The following FAM219A variants were observed in gnomAD, a reference collection of about 807,000 sequenced individuals.
FAM219A encodes family with sequence similarity 219 member A.
A neutral mutation model predicts 23.4 loss-of-function variants in FAM219A; 7 were observed. The ratio of observed to expected loss-of-function variants is 0.30; its 90% CI spans 0.17 to 0.56. The LOEUF (loss-of-function observed/expected upper bound fraction) is 0.56. Among genes scored for constraint, FAM219A ranks in the 20% least tolerant of loss-of-function variants. The probability of loss-of-function intolerance (pLI) is 0.92; values close to 1 mark genes in which losing one functional copy is unlikely to be tolerated. For missense variants in FAM219A, 166 were observed against 246.9 expected (o/e 0.67, Z 2.20); for synonymous variants, 93 against 99.0 (o/e 0.94, Z 0.36).
intron 1 of FAM219A, among the ~76,000 whole-genome samples, chr9:34,410,371 A>G (rs756435463): frequency 6.6e-5 from 10 of 152,196 alleles, no homozygotes; most frequent in Non-Finnish European, 1.5e-4. Flanking sequence ...AAACAAATGA[A>G]AAAAACCAAA....
At chr9:34,450,037 C>T (rs755936242) in intron 1 of FAM219A, among the ~76,000 whole-genome samples, 7 of 152,254 alleles carry the variant, frequency 4.6e-5, no homozygotes, top group Middle Eastern at 3.4e-3. Context: ...CTAGGTCGGG[C>T]GTGGTGGCTT....
chr9:34,427,467 GC>G (rs1822531005), intron 1 of FAM219A, among the ~76,000 whole-genome samples: 3 of 152,248 alleles, frequency 2.0e-5, no homozygotes, highest in Admixed American at 1.3e-4. Flanking sequence ...TAGTCTCACA[GC>G]CCCTGCTCCC....
chr9:34,444,579 C>T lies in FAM219A; in HGVS notation c.60+13625G>A, dbSNP rs114953683. ...ATGGGAGAGGGGCTGGATTGGCCTT[C>T]TTACATTATTCTACGTCCCTTACTT... On this transcript the variant is annotated intron_variant, in intron 1 of 5. Transcript: ENST00000651358. Among the ~76,000 whole-genome samples, 503 of 152,296 alleles carry T rather than the reference C, an allele frequency of 3.3e-3. 2 individuals carry two copies. The highest frequency in any genetic ancestry group is 0.011 in the African/African-American group (473 of 41,550).
chr9:34,458,369 T>C lies in FAM219A; in HGVS notation c.-106A>G. On this transcript the variant is annotated 5_prime_UTR_variant, in exon 1 of 6. Coordinates refer to ENST00000651358, the MANE Select transcript of FAM219A (RefSeq NM_001184940.2). The surrounding 1 kb of genome is among the most constrained non-coding windows in gnomAD (Gnocchi z 6.6). The stretch of plus-strand genomic sequence containing the variant: ...CCCGGCGGGTGGTGCAGACTAGGCC[T>C]CCCCGGACCACTCGGGCGGGCAGGG... 1 of 721,026 alleles carries C rather than the reference T, an allele frequency of 1.4e-6. No individual in the cohort carries two copies. The highest frequency in any genetic ancestry group is 1.9e-6 in the Non-Finnish European group (1 of 539,566). 44.7% of individuals were successfully genotyped at this position (721,026 alleles called of 1,614,324 possible). A position where few individuals can be genotyped will look rare whatever the true frequency, so the allele number is the denominator to read the frequency against.
intron 1 of FAM219A, among the ~76,000 whole-genome samples, chr9:34,450,245 G>A (rs191056283): frequency 6.6e-5 from 10 of 151,396 alleles, no homozygotes; most frequent in East Asian, 2.0e-4. Context: ...CCTGGGAGGC[G>A]GAGTTTGCAG....
chr9:34,406,321 T>A (rs889038394), intron 1 of FAM219A: 2 of 985,288 alleles, frequency 2.0e-6, no homozygotes, highest in African/African-American at 3.5e-5. Flanking sequence ...CCTTCCTGTG[T>A]ACTTGCTTGG....
At chr9:34,416,516 C>A (rs1822037358) in intron 1 of FAM219A, among the ~76,000 whole-genome samples, 1 of 152,120 alleles carries the variant, frequency 6.6e-6, no homozygotes. Flanking sequence ...GTAATCCCAG[C>A]ACTTTGGGAG....
chr9:34,416,107 T>C (rs1821990733), intron 1 of FAM219A, among the ~76,000 whole-genome samples: 1 of 150,920 alleles, frequency 6.6e-6, no homozygotes, highest in Non-Finnish European at 1.5e-5. Context: ...GCCCAGGAGG[T>C]TGAGGCTGGA....
chr9:34,420,976 G>GT (rs1234414022), intron 1 of FAM219A, among the ~76,000 whole-genome samples: 1 of 129,306 alleles, frequency 7.7e-6, no homozygotes, highest in Non-Finnish European at 1.6e-5. Flanking sequence ...TGAAACTCGT[G>GT]TGTGTGTGTG....
At chr9:34,403,355 C>T (rs544943928) in intron 2 of FAM219A, among the ~76,000 whole-genome samples, 79 of 152,276 alleles carry the variant, frequency 5.2e-4, no homozygotes, top group African/African-American at 1.9e-3. Flanking sequence ...GCTAAGGGGC[C>T]GAAGACCCTC....
intron 1 of FAM219A, among the ~76,000 whole-genome samples, chr9:34,410,732 A>C (rs566926108): frequency 1.4e-4 from 22 of 152,314 alleles, no homozygotes; most frequent in African/African-American, 5.3e-4. Flanking sequence ...ACACAATCCC[A>C]TCCTCCTTGC....
chr9:34,409,816 A>G (rs1821760610), intron 1 of FAM219A, among the ~76,000 whole-genome samples: 1 of 152,188 alleles, frequency 6.6e-6, no homozygotes, highest in East Asian at 1.9e-4. Context: ...ATTCACCTTT[A>G]TTTCATTTAT....
At chr9:34,401,143 G>A in intron 5 of FAM219A, 21 bp from the exon 6 acceptor site, 1 of 1,611,226 alleles carries the variant, frequency 6.2e-7, no homozygotes, top group Non-Finnish European at 8.5e-7. Flanking sequence ...AGGGGAGGGA[G>A]GTCAGGCCCG....
At chr9:34,412,826 C>A (rs1821871595) in intron 1 of FAM219A, among the ~76,000 whole-genome samples, 1 of 152,048 alleles carries the variant, frequency 6.6e-6, no homozygotes, top group African/African-American at 2.4e-5. Flanking sequence ...TCAGTGAACA[C>A]AATTTTAGCT....
chr9:34,443,193 T>C (rs116429803), intron 1 of FAM219A, among the ~76,000 whole-genome samples: 1,647 of 152,222 alleles, frequency 0.011, 32 homozygotes, highest in African/African-American at 0.038. Flanking sequence ...AATAGCAATG[T>C]TGACTTTTTC....
intron 1 of FAM219A, among the ~76,000 whole-genome samples, chr9:34,408,370 G>C (rs1821715175): frequency 6.6e-6 from 1 of 151,950 alleles, no homozygotes; most frequent in Admixed American, 6.5e-5. Flanking sequence ...GTGGAGATGG[G>C]ACAGCTGGGC....
chr9:34,414,866 C>T (rs1329773314), intron 1 of FAM219A, among the ~76,000 whole-genome samples: 1 of 152,254 alleles, frequency 6.6e-6, no homozygotes, highest in Non-Finnish European at 1.5e-5. Flanking sequence ...TGTCCACTCT[C>T]CAGCTCTGGA....
At chr9:34,409,568 A>G (rs537762424) in intron 1 of FAM219A, among the ~76,000 whole-genome samples, 3 of 152,354 alleles carry the variant, frequency 2.0e-5, no homozygotes, top group Admixed American at 6.5e-5. Flanking sequence ...CAACCCTTCA[A>G]ATAAATTCTC....
At chr9:34,416,298 G>GGAAGGAAC (rs1259400252) in intron 1 of FAM219A, among the ~76,000 whole-genome samples, 130 of 118,266 alleles carry the variant, frequency 1.1e-3, no homozygotes, top group African/African-American at 3.2e-3. Context: ...AAGGAAGGAA[G>GGAAGGAAC]GAAGGAAGGA....
Sources: allele counts gnomAD v4.1 joint callset (sites outside exome capture counted in the v4.1 genomes callset), GRCh38; gene constraint gnomAD v4.1.1; non-coding constraint Gnocchi (gnomAD v3.1); transcripts MANE v1.5; gene names NCBI Gene and HGNC (gene_info 2026-07-23, HGNC 2026-07-21).